The following PCSK2 variants were observed in gnomAD, a reference collection of about 807,000 sequenced individuals.
PCSK2 encodes the protein neuroendocrine convertase 2.
A neutral mutation model predicts 69.7 loss-of-function variants in PCSK2; 14 were observed. The ratio of observed to expected loss-of-function variants is 0.20; its 90% CI spans 0.13 to 0.31. The LOEUF is 0.31. Among genes scored for constraint, PCSK2 ranks in the 10% least tolerant of loss-of-function variants. The probability of loss-of-function intolerance (pLI) is 1.00; values close to 1 mark genes in which losing one functional copy is unlikely to be tolerated. For synonymous variants in PCSK2, 307 were observed against 320.7 expected (o/e 0.96, Z 0.46); for missense variants, 544 against 842.5 (o/e 0.65, Z 4.39).
At chr20:17,394,654 G>A (rs2031468769) in intron 5 of PCSK2, among the ~76,000 whole-genome samples, 2 of 152,186 alleles carry the variant, frequency 1.3e-5, no homozygotes, top group African/African-American at 2.4e-5. Context: ...AAAAGGTCTA[G>A]GGCAGAGTAT....
intron 2 of PCSK2, among the ~76,000 whole-genome samples, chr20:17,301,413 G>A (rs1033812829): frequency 1.2e-4 from 19 of 152,162 alleles, no homozygotes; most frequent in Admixed American, 1.2e-3. Flanking sequence ...AAAAGCAGTG[G>A]TTTGAAATCA....
At chr20:17,456,957 A>G (rs550363812) in intron 10 of PCSK2, among the ~76,000 whole-genome samples, 7 of 152,232 alleles carry the variant, frequency 4.6e-5, no homozygotes, top group Non-Finnish European at 1.0e-4. Flanking sequence ...CACGCAGTGT[A>G]GACCAAGATA....
intron 2 of PCSK2, among the ~76,000 whole-genome samples, chr20:17,302,594 T>C (rs562023177): frequency 6.6e-6 from 1 of 152,294 alleles, no homozygotes; most frequent in East Asian, 1.9e-4. Flanking sequence ...GGTAATAAAA[T>C]TCTAAGTTCA....
At chr20:17,459,279 T>C (rs1165723892) in intron 10 of PCSK2, among the ~76,000 whole-genome samples, 2 of 152,204 alleles carry the variant, frequency 1.3e-5, no homozygotes, top group Non-Finnish European at 1.5e-5. Flanking sequence ...CTGTATGTAG[T>C]TATAGGTCGT....
At chr20:17,343,297 T>C (rs911764906) in intron 2 of PCSK2, among the ~76,000 whole-genome samples, 14 of 152,204 alleles carry the variant, frequency 9.2e-5, no homozygotes, top group African/African-American at 3.1e-4. Flanking sequence ...ATCTTAAATG[T>C]TTGTGGAAAT....
At chr20:17,320,319 A>G (rs1157628519) in intron 2 of PCSK2, among the ~76,000 whole-genome samples, 2 of 152,178 alleles carry the variant, frequency 1.3e-5, no homozygotes, top group Non-Finnish European at 2.9e-5. Flanking sequence ...AGTGCACCTT[A>G]GGGAGACTCG....
intron 2 of PCSK2, among the ~76,000 whole-genome samples, chr20:17,298,026 A>G (rs1468543352): frequency 2.0e-5 from 3 of 152,140 alleles, no homozygotes; most frequent in South Asian, 4.1e-4. Flanking sequence ...TATGCATTAT[A>G]TTTTTATTGC....
chr20:17,426,016 A>G lies in PCSK2; in HGVS notation c.621-3419A>G, dbSNP rs990631980. ...TTAGCATTTTCTGCCACCAACAAAA[A>G]CCATGTTACAGAGTGAGAGACAATA... On this transcript the variant is annotated intron_variant, in intron 6 of 11. Transcript: ENST00000262545. 1.1e-4 allele frequency among the ~76,000 whole-genome samples: 16 copies of G among 152,256 alleles called. 1 individual carries two copies. The highest frequency in any genetic ancestry group is 9.8e-4 in the Admixed American group (15 of 15,290).
intron 8 of PCSK2, among the ~76,000 whole-genome samples, chr20:17,445,378 TCA>T (rs1357464661): frequency 1.3e-5 from 2 of 152,148 alleles, no homozygotes; most frequent in Non-Finnish European, 2.9e-5. Context: ...TAATCACTCT[TCA>T]GAGTTGCTGC....
intron 5 of PCSK2, among the ~76,000 whole-genome samples, chr20:17,405,593 A>G (rs2031734030): frequency 6.6e-6 from 1 of 152,244 alleles, no homozygotes; most frequent in Admixed American, 6.5e-5. Flanking sequence ...GAATCTGTGA[A>G]TATAATAAGT....
At chr20:17,465,285 C>A (rs1303001002) in intron 10 of PCSK2, 41 bp from the exon 11 acceptor site, 2 of 1,405,572 alleles carry the variant, frequency 1.4e-6, no homozygotes, top group Non-Finnish European at 2.0e-6. Context: ...CTCACCCTGC[C>A]TTTTGCCCTT....
At chr20:17,295,529 ATT>A (rs1184960331) in intron 2 of PCSK2, among the ~76,000 whole-genome samples, 6 of 107,890 alleles carry the variant, frequency 5.6e-5, no homozygotes, top group East Asian at 9.0e-4. Context: ...TTTTATATAT[ATT>A]TATTTATTTA....
chr20:17,281,300 T>C (rs1273188195), intron 2 of PCSK2, among the ~76,000 whole-genome samples: 1 of 152,188 alleles, frequency 6.6e-6, no homozygotes, highest in African/African-American at 2.4e-5. Context: ...TGGAACTCCC[T>C]TTTTATCTAA....
At chr20:17,423,051 G>A (rs1048860047) in intron 6 of PCSK2, among the ~76,000 whole-genome samples, 3 of 152,084 alleles carry the variant, frequency 2.0e-5, no homozygotes, top group African/African-American at 7.2e-5. Flanking sequence ...ATGACATAGG[G>A]ACTGATTTCT....
intron 1 of PCSK2, among the ~76,000 whole-genome samples, chr20:17,228,528 G>T (rs913636059): frequency 2.0e-5 from 3 of 152,160 alleles, no homozygotes; most frequent in Non-Finnish European, 4.4e-5. Flanking sequence ...AAAGGACAGA[G>T]ATGTGGCTAC....
At chr20:17,242,144 G>C (rs1332447525) in intron 1 of PCSK2, among the ~76,000 whole-genome samples, 1 of 152,206 alleles carries the variant, frequency 6.6e-6, no homozygotes, top group Non-Finnish European at 1.5e-5. Context: ...GCTTCATACT[G>C]TTTTCCTGCT....
At chr20:17,321,633 A>C (rs1989871840) in intron 2 of PCSK2, among the ~76,000 whole-genome samples, 1 of 152,166 alleles carries the variant, frequency 6.6e-6, no homozygotes, top group African/African-American at 2.4e-5. Flanking sequence ...ATTATCCTCT[A>C]TTTTCTTGTA....
At chr20:17,254,619 TG>T (rs552603411) in intron 1 of PCSK2, among the ~76,000 whole-genome samples, 246 of 152,316 alleles carry the variant, frequency 1.6e-3, no homozygotes, top group African/African-American at 5.7e-3. Flanking sequence ...GAAGAAGTGT[TG>T]AAATTGAAAA....
intron 3 of PCSK2, among the ~76,000 whole-genome samples, chr20:17,359,025 C>T (rs892705947): frequency 1.3e-5 from 2 of 152,212 alleles, no homozygotes; most frequent in African/African-American, 4.8e-5. Context: ...ACCAACAGTT[C>T]ATCATGATCC....
Sources: allele counts gnomAD v4.1 joint callset (sites outside exome capture counted in the v4.1 genomes callset), GRCh38; gene constraint gnomAD v4.1.1; transcripts MANE v1.5; gene names NCBI Gene and HGNC (gene_info 2026-07-23, HGNC 2026-07-21).